PDSS2: variants seen among roughly 807,000 people sequenced by gnomAD.
The protein encoded by PDSS2 is all trans-polyprenyl-diphosphate synthase PDSS2.
In PDSS2, 31 loss-of-function variants were observed where a neutral mutation model predicts 44.5. The observed-to-expected ratio is 0.70, with a 90% CI of 0.52 to 0.94. PDSS2 has a LOEUF of 0.94. Ranked by LOEUF, PDSS2 falls within the 40% of genes least tolerant of loss-of-function variation. PDSS2 has a pLI of 0.00. For missense variants in PDSS2, 452 were observed against 482.2 expected, an observed-to-expected ratio of 0.94 and a Z score of 0.59; for synonymous variants, 157 against 180.3, an observed-to-expected ratio of 0.87 and a Z score of 1.03.
At chr6:107,180,061 T>C (rs1186367742) in intron 7 of PDSS2, among the ~76,000 whole-genome samples, 1 of 152,182 alleles carries the variant, frequency 6.6e-6, no homozygotes, top group Non-Finnish European at 1.5e-5. Context: ...AAAACCATAA[T>C]TTTGGGAAAC....
chr6:107,307,656 T>C (rs1032562861), intron 2 of PDSS2, among the ~76,000 whole-genome samples: 3 of 152,166 alleles, frequency 2.0e-5, no homozygotes, highest in Non-Finnish European at 4.4e-5. Flanking sequence ...GGGTATTATA[T>C]TACCTTTCAC....
At chr6:107,300,396 GT>G (rs35146874) in intron 2 of PDSS2, among the ~76,000 whole-genome samples, 36,655 of 151,926 alleles carry the variant, frequency 0.24, 4,848 homozygotes, top group East Asian at 0.45. Context: ...CAGCACTTGG[GT>G]TTTCCTGTTG....
chr6:107,377,450 A>C (rs1373768925), intron 1 of PDSS2, among the ~76,000 whole-genome samples: 2 of 152,220 alleles, frequency 1.3e-5, no homozygotes, highest in African/African-American at 4.8e-5. Flanking sequence ...ACTGTAAACT[A>C]GTTCAACCAT....
Position 107,277,344 on chromosome 6 carries a change from T to C in PDSS2, c.432-3117A>G, listed in dbSNP as rs78106344. Among the ~76,000 whole-genome samples the C allele has an allele frequency of 8.8e-3, 1,342 of 152,264 alleles. 22 individuals carry two copies. Among genetic ancestry groups the C allele is most frequent in the African/African-American group, 0.031 (1,293 of 41,546 alleles). On this transcript the variant is annotated intron_variant, in intron 2 of 7. Coordinates refer to ENST00000369037, the MANE Select transcript of PDSS2 (RefSeq NM_020381.4). ...ACAGAGAAGGCAAGAGTAGAAAACG[T>C]GACCAAAGGTTGAAAAGATCAGTTT...
intron 4 of PDSS2, among the ~76,000 whole-genome samples, chr6:107,229,318 C>T (rs1773953028): frequency 6.6e-6 from 1 of 152,228 alleles, no homozygotes; most frequent in South Asian, 2.1e-4. Context: ...TCCAGAGTAG[C>T]TGGGGTTACA....
At chr6:107,358,482 A>G (rs920137563) in intron 1 of PDSS2, among the ~76,000 whole-genome samples, 3 of 152,164 alleles carry the variant, frequency 2.0e-5, no homozygotes, top group Admixed American at 6.5e-5. Context: ...TCTTATAGTG[A>G]TATTTTTTCC....
intron 1 of PDSS2, among the ~76,000 whole-genome samples, chr6:107,442,320 G>A (rs559618653): frequency 6.6e-6 from 1 of 152,136 alleles, no homozygotes; most frequent in South Asian, 2.1e-4. Context: ...GGGAGGCTGA[G>A]GCAGGAGAAT....
At chr6:107,168,900 G>T (rs373205252) in intron 7 of PDSS2, among the ~76,000 whole-genome samples, 4 of 152,090 alleles carry the variant, frequency 2.6e-5, no homozygotes, top group African/African-American at 4.8e-5. Context: ...CTCTCTGGCT[G>T]CCCTTAACAT....
intron 7 of PDSS2, among the ~76,000 whole-genome samples, chr6:107,170,605 C>A (rs1771532610): frequency 1.7e-5 from 1 of 57,438 alleles, no homozygotes; most frequent in African/African-American, 8.0e-5. Context: ...ATCTTGGAAC[C>A]ACCCCCCCCC....
chr6:107,339,707 G>A (rs201959681), intron 1 of PDSS2, among the ~76,000 whole-genome samples: 2 of 151,770 alleles, frequency 1.3e-5, no homozygotes, highest in African/African-American at 2.4e-5. Flanking sequence ...AGGAAAAAAA[G>A]GGGGAGTGGG....
intron 1 of PDSS2, among the ~76,000 whole-genome samples, chr6:107,343,558 C>T (rs2115298566): frequency 6.6e-6 from 1 of 152,278 alleles, no homozygotes; most frequent in East Asian, 1.9e-4. Flanking sequence ...TCTGTCCACA[C>T]ACTAGCACAA....
chr6:107,171,309 G>A (rs1389681648), intron 7 of PDSS2, among the ~76,000 whole-genome samples: 7 of 151,954 alleles, frequency 4.6e-5, no homozygotes, highest in Non-Finnish European at 1.0e-4. Context: ...CTACAGGCAC[G>A]TGCCACCATG....
intron 2 of PDSS2, among the ~76,000 whole-genome samples, chr6:107,317,921 G>A (rs1030937817): frequency 1.1e-4 from 16 of 152,084 alleles, no homozygotes; most frequent in South Asian, 2.1e-4. Flanking sequence ...TTTCCAAAAT[G>A]TCGAAGGAAA....
chr6:107,335,198 A>G (rs1479089196), intron 1 of PDSS2, among the ~76,000 whole-genome samples: 1 of 150,322 alleles, frequency 6.7e-6, no homozygotes, highest in African/African-American at 2.4e-5. Context: ...ACAATCTCAC[A>G]TTTGAGGCTT....
At position 107,451,478 on chromosome 6, in the gene PDSS2, T is replaced by C. The variant is rs369947393; in HGVS notation, c.296+7512A>G. The stretch of plus-strand genomic sequence containing the variant: ...ATCTAAGCCCAGGGCATAAAACCCC[T>C]TGTGGCTTTGATGGAATCCAGGGCT... On this transcript the variant is annotated intron_variant, in intron 1 of 7. Coordinates refer to ENST00000369037, the MANE Select transcript of PDSS2 (RefSeq NM_020381.4). 3.4e-3 allele frequency among the ~76,000 whole-genome samples: 517 copies of C among 152,208 alleles called. 3 individuals carry two copies. The highest frequency in any genetic ancestry group is 0.012 in the African/African-American group (498 of 41,548).
chr6:107,289,477 A>G (rs1776274616), intron 2 of PDSS2, among the ~76,000 whole-genome samples: 1 of 151,816 alleles, frequency 6.6e-6, no homozygotes, highest in African/African-American at 2.4e-5. Flanking sequence ...AGGTGGGTGG[A>G]TTGCTCGAGC....
rs762125818 is a variant in PDSS2, at chr6:107,195,481, CAA to C, written c.1009-1629_1009-1628del. ...TGGGTGACAGAGTGAGATCCTGTCT[CAA>C]AAAAAAAAAAAAAAAAAATGGTCCT... On this transcript the variant is annotated intron_variant, in intron 6 of 7. Coordinates refer to ENST00000369037, the MANE Select transcript of PDSS2 (RefSeq NM_020381.4). Among the ~76,000 whole-genome samples the C allele has an allele frequency of 1.5e-3, 135 of 87,834 alleles. 1 individual carries two copies. The highest frequency in any genetic ancestry group is 4.5e-3 in the African/African-American group (106 of 23,702). The allele number at this position is 87,834 out of a possible 152,430, so 57.6% of individuals were successfully genotyped here.
intron 1 of PDSS2, among the ~76,000 whole-genome samples, chr6:107,410,912 G>A (rs1338304834): frequency 6.7e-6 from 1 of 150,110 alleles, no homozygotes; most frequent in Non-Finnish European, 1.5e-5. Flanking sequence ...TTTTGAGACA[G>A]AGTCTTATGC....
intron 4 of PDSS2, among the ~76,000 whole-genome samples, chr6:107,224,335 C>T (rs1415855549): frequency 6.6e-6 from 1 of 151,340 alleles, no homozygotes; most frequent in African/African-American, 2.5e-5. Context: ...GATATATCAT[C>T]CAATTCTAGC....
Sources: allele counts gnomAD v4.1 joint callset (sites outside exome capture counted in the v4.1 genomes callset), GRCh38; gene constraint gnomAD v4.1.1; transcripts MANE v1.5; gene names NCBI Gene and HGNC (gene_info 2026-07-23, HGNC 2026-07-21).